TAF7L: variants seen among roughly 807,000 people sequenced by gnomAD.
TAF7L encodes transcription initiation factor TFIID subunit 7-like.
Under a neutral mutation model 30.2 loss-of-function variants are expected in TAF7L, and 6 were observed. The ratio of observed to expected loss-of-function variants is 0.20; its 90% CI spans 0.11 to 0.39. The LOEUF (loss-of-function observed/expected upper bound fraction) is 0.39, where lower values mean the gene tolerates loss of function less well. Among genes scored for constraint, TAF7L ranks in the 10% least tolerant of loss-of-function variants. TAF7L has a pLI of 1.00. For missense variants in TAF7L, 284 were observed against 277.1 expected (o/e 1.03, Z -0.18); for synonymous variants, 93 against 94.5 (o/e 0.98, Z 0.09).
intron 12 of TAF7L, among the ~76,000 whole-genome samples, chrX:101,274,603 TGA>T (rs1283151774): frequency 1.8e-5 from 2 of 110,929 alleles, no homozygotes. Context: ...AGTGTGGGTG[TGA>T]GTGTGGGTGT....
chrX:101,272,006 G>C (rs1380629737), intron 12 of TAF7L, among the ~76,000 whole-genome samples: 1 of 111,258 alleles, frequency 9.0e-6, no homozygotes, highest in East Asian at 2.8e-4. Context: ...AGCCTTGTGG[G>C]GATGGGGGTG....
At chrX:101,293,021 G>C, upstream of TAF7L, 2 of 1,211,373 alleles carry the variant, frequency 1.7e-6, no homozygotes, top group Non-Finnish European at 2.2e-6. Flanking sequence ...GAAGAAATGG[G>C]GAGCTGTCCC....
chrX:101,280,697 A>G (rs1320361387), intron 6 of TAF7L, among the ~76,000 whole-genome samples: 2 of 112,017 alleles, frequency 1.8e-5, no homozygotes, highest in Non-Finnish European at 3.8e-5. Flanking sequence ...TATAATAGTC[A>G]AAACCTGTAA....
chrX:101,272,596 T>C (rs1345777710), intron 12 of TAF7L, among the ~76,000 whole-genome samples: 1 of 111,538 alleles, frequency 9.0e-6, no homozygotes, highest in Non-Finnish European at 1.9e-5. Flanking sequence ...TAGTAGAAAC[T>C]AGATGAGTGG....
chrX:101,285,837 A>C (rs61024974), intron 3 of TAF7L, among the ~76,000 whole-genome samples: 46,949 of 109,587 alleles, frequency 0.43, 7,965 homozygotes, highest in African/African-American at 0.61. Flanking sequence ...GATATTAACC[A>C]CTTTATTGGA....
At chrX:101,280,439 A>G (rs1042334065) in intron 6 of TAF7L, among the ~76,000 whole-genome samples, 3 of 112,023 alleles carry the variant, frequency 2.7e-5, no homozygotes, top group Non-Finnish European at 5.6e-5. Context: ...TGGGATCACT[A>G]TGCACCTATC....
At chrX:101,292,262 A>T (rs200763226), upstream of TAF7L, among the ~76,000 whole-genome samples, 1,590 of 29,403 alleles carry the variant, frequency 0.054, 44 homozygotes, top group East Asian at 0.4. Context: ...TAAATAAAAA[A>T]AATAAATAAA....
In TAF7L at chrX:101,275,426, T is replaced by C. The variant is rs142580686; in HGVS notation, c.1027-145A>G. On this transcript the variant is annotated intron_variant, in intron 11 of 12. Transcript: ENST00000356784. ...CTCTGTCACCCAGGCTGGAGTGCAG[T>C]GGCGCAATCTTGGCTCATGCAACCT... 3,810 of 416,592 alleles carry C rather than the reference T, an allele frequency of 9.1e-3. 115 individuals carry two copies. The highest frequency in any genetic ancestry group is 0.084 in the African/African-American group (3,254 of 38,610). The allele number at this position is 416,592 out of a possible 1,213,427, so 34.3% of individuals were successfully genotyped here.
At chrX:101,288,109 T>C (rs1050749537) in intron 1 of TAF7L, among the ~76,000 whole-genome samples, 2 of 110,733 alleles carry the variant, frequency 1.8e-5, no homozygotes, top group African/African-American at 6.6e-5. Flanking sequence ...AACAACAGCT[T>C]TGAGCTACCC....
intron 6 of TAF7L, among the ~76,000 whole-genome samples, chrX:101,280,855 C>T (rs969432964): frequency 8.9e-6 from 1 of 111,792 alleles, no homozygotes; most frequent in African/African-American, 3.2e-5. Context: ...AAAAAATAAG[C>T]TAGTCTCTGA....
intron 6 of TAF7L, among the ~76,000 whole-genome samples, chrX:101,279,576 G>A (rs1389222710): frequency 4.5e-5 from 5 of 111,427 alleles, no homozygotes; most frequent in African/African-American, 1.3e-4. Context: ...AGCAGAGATC[G>A]TGCCATTGCA....
At chrX:101,273,887 GCACCTC>G (rs2091144874) in intron 12 of TAF7L, among the ~76,000 whole-genome samples, 1 of 112,097 alleles carries the variant, frequency 8.9e-6, no homozygotes, top group South Asian at 3.7e-4. Context: ...AGCTTCAATA[GCACCTC>G]CTAGGAGAGG....
chrX:101,276,036 C>A lies in TAF7L; in HGVS notation c.990G>T (p.Lys330Asn). ...HKIQNKAQRQ[K>N]DLIMKVENLT... ...GGTTTTCCACTTTCATGATGAGATC[C>A]TTCTGTCTTTGTGCTTTATTCTGAA... Residue 330 changes from lysine (K) to asparagine (N), a missense_variant, in exon 11 of 13, where the codon AAG (lysine) becomes AAT (asparagine). Transcript: ENST00000356784. The A allele has an allele frequency of 8.3e-7, 1 of 1,203,278 alleles. No individual in the cohort carries two copies. The highest frequency in any genetic ancestry group is 1.1e-6 in the Non-Finnish European group (1 of 893,034).
At chrX:101,269,929 T>A (rs1923915073) in intron 12 of TAF7L, among the ~76,000 whole-genome samples, 1 of 111,991 alleles carries the variant, frequency 8.9e-6, no homozygotes, top group African/African-American at 3.2e-5. Context: ...GGAGATGGGA[T>A]CTCTGTAGCC....
intron 6 of TAF7L, 104 bp from the exon 7 acceptor site, chrX:101,279,139 G>T: frequency 1.6e-6 from 1 of 638,379 alleles, no homozygotes; most frequent in Non-Finnish European, 2.4e-6. Flanking sequence ...CATTTAGTAG[G>T]CACTCAATAA....
At chrX:101,270,607 C>T (rs1923936905) in intron 12 of TAF7L, among the ~76,000 whole-genome samples, 1 of 111,530 alleles carries the variant, frequency 9.0e-6, no homozygotes, top group Non-Finnish European at 1.9e-5. Flanking sequence ...CACTTCTCCA[C>T]ATACCCCTCC....
At chrX:101,291,983 A>T (rs1924822280), upstream of TAF7L, among the ~76,000 whole-genome samples, 1 of 109,550 alleles carries the variant, frequency 9.1e-6, no homozygotes, top group African/African-American at 3.3e-5. Context: ...CACGCCTGTA[A>T]TCCCAGCACT....
At position 101,276,501 on chromosome X, in the gene TAF7L, C is replaced by A; in HGVS notation, c.719G>T (p.Ser240Ile). ...ATCATCATTGTTACTTCTAGAATCA[C>A]TGAACATCTCCCGAAGCATATCATA... The part of the protein sequence containing the change: ...SEYDMLREMF[S>I]DSRSNNDDDE... The change falls in exon 10 of 13, where the codon AGT (serine) becomes ATT (isoleucine). Residue 240 changes from serine to isoleucine, a missense_variant. Transcript: ENST00000356784. 8.3e-7 allele frequency: 1 copy of A among 1,210,698 alleles called. No homozygotes were observed. The highest frequency in any genetic ancestry group is 1.1e-6 in the Non-Finnish European group (1 of 894,967).
intron 1 of TAF7L, among the ~76,000 whole-genome samples, chrX:101,290,637 TAAAC>T (rs1477055537): frequency 8.9e-6 from 1 of 112,579 alleles, no homozygotes; most frequent in Non-Finnish European, 1.9e-5. Context: ...ATTTGTTTGA[TAAAC>T]AGACCTAATA....
Sources: gnomAD v4.1 joint callset for allele counts (sites outside exome capture counted in the v4.1 genomes callset) on GRCh38, gnomAD v4.1.1 for gene constraint, MANE v1.5 for transcripts, NCBI Gene and HGNC (gene_info 2026-07-23, HGNC 2026-07-21) for gene names.